MYO16: variants seen among roughly 807,000 people sequenced by gnomAD.
MYO16 encodes myosin XVI.
Under a neutral mutation model 205.3 loss-of-function variants are expected in MYO16, and 94 were observed. That is an observed-to-expected ratio of 0.46 (90% CI 0.39 to 0.54). MYO16 has a LOEUF of 0.54. Ranked by LOEUF, MYO16 falls within the 20% of genes least tolerant of loss-of-function variation. The pLI, the probability that MYO16 is intolerant of heterozygous loss-of-function variation, is 0.00. For synonymous variants in MYO16, 988 were observed against 954.0 expected (o/e 1.04, Z -0.66); for missense variants, 2,315 against 2,387.5 (o/e 0.97, Z 0.63).
intron 9 of MYO16, among the ~76,000 whole-genome samples, chr13:108,828,328 C>T (rs368810503): frequency 5.1e-4 from 77 of 152,168 alleles, no homozygotes; most frequent in African/African-American, 1.8e-3. Context: ...TGGTGAGGCC[C>T]GGTGGTGTGG....
intron 11 of MYO16, among the ~76,000 whole-genome samples, chr13:108,856,532 A>G (rs549514436): frequency 3.5e-4 from 53 of 152,350 alleles, no homozygotes; most frequent in African/African-American, 1.2e-3. Flanking sequence ...TGTCATTGGC[A>G]TAAAGTGGTG....
chr13:108,805,918 C>T (rs570691857), intron 6 of MYO16, among the ~76,000 whole-genome samples: 1 of 43,370 alleles, frequency 2.3e-5, no homozygotes, highest in African/African-American at 5.2e-5. Context: ...TAAAACTAGT[C>T]TCTACCAAAA....
At chr13:109,069,164 A>G (rs1208775430) in intron 27 of MYO16, among the ~76,000 whole-genome samples, 1 of 152,226 alleles carries the variant, frequency 6.6e-6, no homozygotes, top group Non-Finnish European at 1.5e-5. Context: ...GTCTGCTTCC[A>G]TTATTAAGTT....
intron 14 of MYO16, among the ~76,000 whole-genome samples, chr13:108,894,580 C>G (rs1880324500): frequency 6.6e-6 from 1 of 152,156 alleles, no homozygotes; most frequent in Non-Finnish European, 1.5e-5. Context: ...GAGAGTGCAG[C>G]ATTGAGGTCC....
the MYO16 span, among the ~76,000 whole-genome samples, chr13:108,533,950 C>A: frequency 6.6e-6 from 1 of 152,062 alleles, no homozygotes; most frequent in African/African-American, 2.4e-5. Context: ...CCTTCCTCTG[C>A]CCCCTTAGTT....
At chr13:108,829,809 A>G (rs1031938041) in intron 9 of MYO16, among the ~76,000 whole-genome samples, 2 of 152,172 alleles carry the variant, frequency 1.3e-5, no homozygotes, top group Non-Finnish European at 1.5e-5. Context: ...TAATAAAAGG[A>G]TAAGACTCAC....
At chr13:109,085,273 A>G (rs1888403885) in intron 27 of MYO16, among the ~76,000 whole-genome samples, 2 of 152,200 alleles carry the variant, frequency 1.3e-5, no homozygotes, top group South Asian at 4.1e-4. Flanking sequence ...TGAGAGTTGT[A>G]TTTTGGAGAC....
chr13:108,675,050 C>A (rs1227767739), intron 2 of MYO16, among the ~76,000 whole-genome samples: 1 of 152,180 alleles, frequency 6.6e-6, no homozygotes, highest in Non-Finnish European at 1.5e-5. Context: ...AACATACCGC[C>A]CTCTGAATGT....
At chr13:108,536,569 A>C in the MYO16 span, among the ~76,000 whole-genome samples, 1 of 152,208 alleles carries the variant, frequency 6.6e-6, no homozygotes, top group Admixed American at 6.6e-5. Flanking sequence ...TTTCTCATCC[A>C]CATATAGGGA....
At chr13:109,062,034 AAC>A (rs1371770121) in intron 27 of MYO16, among the ~76,000 whole-genome samples, 1 of 152,180 alleles carries the variant, frequency 6.6e-6, no homozygotes, top group Non-Finnish European at 1.5e-5. Flanking sequence ...CCATTATTCC[AAC>A]AGTTATCCAA....
At chr13:109,062,046 A>C (rs1395408494) in intron 27 of MYO16, among the ~76,000 whole-genome samples, 1 of 152,062 alleles carries the variant, frequency 6.6e-6, no homozygotes, top group East Asian at 1.9e-4. Flanking sequence ...CAGTTATCCA[A>C]ATTGCTCTAT....
In MYO16 at chr13:109,186,630, A is replaced by G. The variant is rs535025674; in HGVS notation, c.5415+6997A>G. Among the ~76,000 whole-genome samples, 3 of 152,260 alleles carry G rather than the reference A, an allele frequency of 2.0e-5. No homozygotes were observed. In the East Asian group the frequency reaches 5.8e-4, roughly 29 times the overall value. On this transcript the variant is annotated intron_variant, in intron 34 of 34. Transcript: ENST00000457511. Reference sequence around the variant, plus strand: ...TTTCAACACACACACACACACACACACAAACACACACAATCATATTGCTTT... The same window carrying G: ...TTTCAACACACACACACACACACACGCAAACACACACAATCATATTGCTTT...
intron 1 of MYO16, among the ~76,000 whole-genome samples, chr13:108,653,655 T>C (rs1210705462): frequency 2.0e-5 from 3 of 152,034 alleles, no homozygotes; most frequent in Non-Finnish European, 4.4e-5. Context: ...TATCATTTAG[T>C]ATGTTCAATC....
chr13:108,998,920 G>A (rs1885125554), intron 21 of MYO16, among the ~76,000 whole-genome samples: 1 of 152,188 alleles, frequency 6.6e-6, no homozygotes, highest in African/African-American at 2.4e-5. Flanking sequence ...AGAAACACAT[G>A]CGGAAGCTGG....
At chr13:108,677,376 TATATATATACAG>T in intron 2 of MYO16, among the ~76,000 whole-genome samples, 1 of 147,046 alleles carries the variant, frequency 6.8e-6, no homozygotes, top group African/African-American at 2.5e-5. Flanking sequence ...TATATATGCA[TATATATATACAG>T]GTATATATAC....
At chr13:108,928,145 G>A (rs1882092659) in intron 16 of MYO16, among the ~76,000 whole-genome samples, 1 of 152,162 alleles carries the variant, frequency 6.6e-6, no homozygotes, top group African/African-American at 2.4e-5. Context: ...AGAGGGATGG[G>A]AGCAGCTTCC....
At chr13:108,752,621 A>G (rs1055638814) in intron 4 of MYO16, among the ~76,000 whole-genome samples, 6 of 149,944 alleles carry the variant, frequency 4.0e-5, no homozygotes, top group Admixed American at 1.3e-4. Context: ...GAAAGATTAT[A>G]TGGCCTTTAC....
At chr13:108,905,074 G>A (rs184337786) in intron 15 of MYO16, among the ~76,000 whole-genome samples, 5 of 151,566 alleles carry the variant, frequency 3.3e-5, no homozygotes, top group Non-Finnish European at 5.9e-5. Flanking sequence ...TAATTTACTC[G>A]CAAGTCACCT....
intron 7 of MYO16, among the ~76,000 whole-genome samples, chr13:108,817,362 A>G (rs922800345): frequency 3.3e-5 from 5 of 152,084 alleles, no homozygotes; most frequent in African/African-American, 1.2e-4. Context: ...AGAAAGTGTC[A>G]ATGCATGCAC....
Sources: gnomAD v4.1 joint callset for allele counts (sites outside exome capture counted in the v4.1 genomes callset) on GRCh38, gnomAD v4.1.1 for gene constraint, MANE v1.5 for transcripts, NCBI Gene and HGNC (gene_info 2026-07-23, HGNC 2026-07-21) for gene names.